The following PCCA variants were observed in gnomAD, a reference collection of about 807,000 sequenced individuals.
PCCA encodes the protein propionyl-CoA carboxylase subunit alpha.
PCCA carries 74 observed loss-of-function variants against 101.3 expected under a neutral mutation model. The ratio of observed to expected loss-of-function variants is 0.73; its 90% CI spans 0.61 to 0.89. The LOEUF is 0.89. Among genes scored for constraint, PCCA ranks in the 40% least tolerant of loss-of-function variants. The probability of loss-of-function intolerance (pLI) is 0.00; values close to 1 mark genes in which losing one functional copy is unlikely to be tolerated. For missense variants in PCCA, 891 were observed against 907.0 expected (o/e 0.98, Z 0.23); for synonymous variants, 294 against 313.6 (o/e 0.94, Z 0.66).
intron 19 of PCCA, among the ~76,000 whole-genome samples, chr13:100,387,402 C>T (rs116101374): frequency 2.9e-3 from 443 of 152,274 alleles, no homozygotes; most frequent in African/African-American, 9.8e-3. Context: ...AAAGGTAGTT[C>T]ACTCCAAAAG....
At chr13:100,295,900 A>AT (rs2065493072) in intron 12 of PCCA, among the ~76,000 whole-genome samples, 2 of 152,076 alleles carry the variant, frequency 1.3e-5, no homozygotes, top group Admixed American at 6.5e-5. Context: ...CTTAAAACTG[A>AT]TTTTCCTCAG....
At chr13:100,170,641 C>A (rs906724104) in intron 6 of PCCA, among the ~76,000 whole-genome samples, 2 of 152,144 alleles carry the variant, frequency 1.3e-5, no homozygotes, top group Non-Finnish European at 1.5e-5. Context: ...ATGTTCCTAG[C>A]TTTTTATTCA....
At chr13:100,319,596 C>T (rs2067777648) in intron 16 of PCCA, among the ~76,000 whole-genome samples, 1 of 152,134 alleles carries the variant, frequency 6.6e-6, no homozygotes, top group Non-Finnish European at 1.5e-5. Flanking sequence ...ATAGGGAATC[C>T]TTTCCCCATT....
Position 100,306,679 on chromosome 13 carries a change from A to G in PCCA, c.1285-513A>G, listed in dbSNP as rs1364687056. Among the ~76,000 whole-genome samples the G allele has an allele frequency of 2.7e-5, 4 of 150,798 alleles. No homozygotes were observed. The East Asian group carries it at 7.9e-4, about 30-fold the overall frequency. On this transcript the variant is annotated intron_variant, in intron 14 of 23. Coordinates refer to ENST00000376285, the MANE Select transcript of PCCA (RefSeq NM_000282.4). ...AGCAAAGCCATAGGAAAAGCTGTGT[A>G]AACATGAAAGCCTCAGGGGAGCAAC...
chr13:100,410,727 C>T (rs1207727848), intron 19 of PCCA, among the ~76,000 whole-genome samples: 1 of 152,038 alleles, frequency 6.6e-6, no homozygotes, highest in Non-Finnish European at 1.5e-5. Flanking sequence ...TCCTAAATTC[C>T]CAAACCCATG....
At chr13:100,453,072 T>G (rs1287364390) in intron 21 of PCCA, among the ~76,000 whole-genome samples, 1 of 151,912 alleles carries the variant, frequency 6.6e-6, no homozygotes, top group Non-Finnish European at 1.5e-5. Flanking sequence ...GGTGCATGTC[T>G]GTGGTCCCAG....
At chr13:100,281,094 T>C (rs944836030) in intron 12 of PCCA, among the ~76,000 whole-genome samples, 1 of 152,224 alleles carries the variant, frequency 6.6e-6, no homozygotes, top group African/African-American at 2.4e-5. Context: ...TCACCTCTAC[T>C]TTATTTCATA....
At chr13:100,228,899 C>CAAAAAAAAAAAAAAAAAAAAAAAAAA in intron 7 of PCCA, among the ~76,000 whole-genome samples, 1 of 83,488 alleles carries the variant, frequency 1.2e-5, no homozygotes, top group South Asian at 4.3e-4. Context: ...GACTCTTTCT[C>CAAAAAAAAAAAAAAAAAAAAAAAAAA]AAAAAAAAAA....
intron 15 of PCCA, 40 bp from the exon 16 acceptor site, chr13:100,309,793 A>G: frequency 1.9e-6 from 2 of 1,064,610 alleles, no homozygotes; most frequent in Non-Finnish European, 2.8e-6. Flanking sequence ...ATAGTTCTAA[A>G]TATATATATA....
At chr13:100,482,625 G>A (rs2084034390) in intron 21 of PCCA, among the ~76,000 whole-genome samples, 3 of 152,174 alleles carry the variant, frequency 2.0e-5, no homozygotes, top group Admixed American at 6.5e-5. Context: ...GCGTTCGCTC[G>A]TTCCCCAAGC....
intron 21 of PCCA, among the ~76,000 whole-genome samples, chr13:100,461,325 TA>T (rs2082149454): frequency 6.6e-6 from 1 of 152,254 alleles, no homozygotes; most frequent in African/African-American, 2.4e-5. Flanking sequence ...TATAGATATG[TA>T]AACATCATCA....
chr13:100,475,871 C>A (rs2083381294), intron 21 of PCCA, among the ~76,000 whole-genome samples: 1 of 152,126 alleles, frequency 6.6e-6, no homozygotes, highest in South Asian at 2.1e-4. Flanking sequence ...TAAATATTCT[C>A]TATGTAGTAT....
chr13:100,178,735 TAAA>T (rs71713122), intron 6 of PCCA, among the ~76,000 whole-genome samples: 3 of 151,346 alleles, frequency 2.0e-5, no homozygotes, highest in Non-Finnish European at 4.4e-5. Flanking sequence ...GCCTGTTTAT[TAAA>T]AAAAAATAAT....
chr13:100,363,846 G>A (rs929590961), intron 18 of PCCA, among the ~76,000 whole-genome samples: 3 of 152,106 alleles, frequency 2.0e-5, no homozygotes, highest in African/African-American at 7.2e-5. Flanking sequence ...CAAATGACTT[G>A]TAATAGCAAA....
At chr13:100,464,044 G>C (rs1333589905) in intron 21 of PCCA, among the ~76,000 whole-genome samples, 1 of 152,156 alleles carries the variant, frequency 6.6e-6, no homozygotes, top group Non-Finnish European at 1.5e-5. Flanking sequence ...ACATATGTCA[G>C]CTTACTTGAT....
At chr13:100,201,742 A>C (rs1594700694) in intron 6 of PCCA, among the ~76,000 whole-genome samples, 1 of 151,640 alleles carries the variant, frequency 6.6e-6, no homozygotes, top group African/African-American at 2.4e-5. Flanking sequence ...CTGTAATCCC[A>C]GCTACTTGGG....
chr13:100,283,927 C>T (rs1207361169), intron 12 of PCCA, among the ~76,000 whole-genome samples: 14 of 152,312 alleles, frequency 9.2e-5, no homozygotes, highest in Middle Eastern at 3.4e-3. Context: ...CCCCAGAGGA[C>T]GAAGATTCCC....
Position 100,259,922 on chromosome 13 carries a change from T to C in PCCA, c.716+2249T>C, listed in dbSNP as rs866441861. On this transcript the variant is annotated intron_variant, in intron 9 of 23. Coordinates refer to ENST00000376285, the MANE Select transcript of PCCA (RefSeq NM_000282.4). ...GTATAATTGAATGTCACCAGTGATA[T>C]TCATAATAGAGTTTCCCATGAGTTC... is the stretch of plus-strand genomic sequence containing the variant. Among the ~76,000 whole-genome samples the C allele has an allele frequency of 2.0e-5, 3 of 152,306 alleles. 1 individual carries two copies. The highest frequency in any genetic ancestry group is 6.8e-3 in the Middle Eastern group (2 of 294).
chr13:100,288,080 T>G (rs1377395052), intron 12 of PCCA, among the ~76,000 whole-genome samples: 2 of 152,212 alleles, frequency 1.3e-5, no homozygotes, highest in Non-Finnish European at 2.9e-5. Context: ...AAATTGAATC[T>G]GTTTGATTAA....
Sources: gnomAD v4.1 joint callset for allele counts (sites outside exome capture counted in the v4.1 genomes callset) on GRCh38, gnomAD v4.1.1 for gene constraint, MANE v1.5 for transcripts, NCBI Gene and HGNC (gene_info 2026-07-23, HGNC 2026-07-21) for gene names.